MARCHF1: variants seen among roughly 807,000 people sequenced by gnomAD.
MARCHF1 encodes E3 ubiquitin-protein ligase MARCHF1.
MARCHF1 carries 40 observed loss-of-function variants against 54.2 expected under a neutral mutation model. That is an observed-to-expected ratio of 0.74 (90% CI 0.57 to 0.96). MARCHF1 has a LOEUF of 0.96. Among genes scored for constraint, MARCHF1 ranks in the 40% least tolerant of loss-of-function variants. MARCHF1 has a pLI of 0.00. For missense variants in MARCHF1, 586 were observed against 656.5 expected, an observed-to-expected ratio of 0.89 and a Z score of 1.17; for synonymous variants, 236 against 236.3, an observed-to-expected ratio of 1.00 and a Z score of 0.01.
chr4:164,222,644 G>T (rs1357960285), intron 1 of MARCHF1, among the ~76,000 whole-genome samples: 1 of 151,728 alleles, frequency 6.6e-6, no homozygotes, highest in African/African-American at 2.4e-5. Flanking sequence ...GAGGGAACCA[G>T]GAAGAGAGAG....
chr4:164,313,150 A>T (rs371990327), intron 1 of MARCHF1, among the ~76,000 whole-genome samples: 13 of 151,132 alleles, frequency 8.6e-5, no homozygotes, highest in East Asian at 2.0e-4. Context: ...CATCCTGGCT[A>T]ATTCAGTGAA....
intron 4 of MARCHF1, among the ~76,000 whole-genome samples, chr4:163,850,685 G>A (rs894297664): frequency 6.6e-6 from 1 of 152,170 alleles, no homozygotes; most frequent in Admixed American, 6.5e-5. Context: ...CCTTCTAGTT[G>A]CATAATGTTT....
At chr4:163,759,611 T>C (rs181925719) in intron 4 of MARCHF1, among the ~76,000 whole-genome samples, 9 of 152,378 alleles carry the variant, frequency 5.9e-5, no homozygotes, top group African/African-American at 2.2e-4. Flanking sequence ...CGATTTAATC[T>C]ACATTGAGCT....
At chr4:163,545,575 A>G (rs770229511) in intron 9 of MARCHF1, 21 bp downstream of exon 9, 21 of 1,606,418 alleles carry the variant, frequency 1.3e-5, no homozygotes, top group Non-Finnish European at 1.5e-5. Flanking sequence ...CAAGAGGGTA[A>G]GAAGAAAGAT....
chr4:164,081,603 G>A (rs538692852), intron 2 of MARCHF1, among the ~76,000 whole-genome samples: 1 of 152,062 alleles, frequency 6.6e-6, no homozygotes, highest in African/African-American at 2.4e-5. Context: ...ATGACACAGG[G>A]CCTTTCCTGA....
chr4:163,793,070 A>G (rs552359788), intron 4 of MARCHF1, among the ~76,000 whole-genome samples: 117 of 152,318 alleles, frequency 7.7e-4, no homozygotes, highest in Non-Finnish European at 1.3e-3. Flanking sequence ...GCAGACGTTA[A>G]ATAACTTTCA....
At chr4:163,657,039 T>C (rs1350239399) in intron 5 of MARCHF1, among the ~76,000 whole-genome samples, 1 of 152,072 alleles carries the variant, frequency 6.6e-6, no homozygotes, top group Non-Finnish European at 1.5e-5. Flanking sequence ...CAAAATAGTA[T>C]TGGAAGTTCT....
At chr4:164,115,300 T>C (rs1164090740) in intron 1 of MARCHF1, among the ~76,000 whole-genome samples, 1 of 152,088 alleles carries the variant, frequency 6.6e-6, no homozygotes, top group African/African-American at 2.4e-5. Flanking sequence ...CAGTGTTAGA[T>C]ATTTATAATT....
At chr4:163,554,778 C>A (rs907110295) in intron 8 of MARCHF1, among the ~76,000 whole-genome samples, 17 of 152,258 alleles carry the variant, frequency 1.1e-4, no homozygotes, top group Non-Finnish European at 5.9e-5. Flanking sequence ...TTCAAAGCTA[C>A]CAAATTATTT....
chr4:164,078,580 A>G (rs1480221997), intron 2 of MARCHF1, among the ~76,000 whole-genome samples: 1 of 152,178 alleles, frequency 6.6e-6, no homozygotes, highest in African/African-American at 2.4e-5. Context: ...GTGTTCAACA[A>G]AGTAAAAGAT....
At chr4:163,951,077 A>G (rs1752126064) in intron 3 of MARCHF1, among the ~76,000 whole-genome samples, 1 of 152,218 alleles carries the variant, frequency 6.6e-6, no homozygotes, top group South Asian at 2.1e-4. Flanking sequence ...ACTTATTTTG[A>G]TTTTAGACTG....
intron 1 of MARCHF1, chr4:164,330,181 A>T (rs1283872107): frequency 6.6e-6 from 1 of 152,256 alleles, no homozygotes; most frequent in African/African-American, 2.4e-5. Context: ...GGTTAAAAAA[A>T]AAAAAAAACA....
intron 3 of MARCHF1, among the ~76,000 whole-genome samples, chr4:163,953,289 G>A (rs1271347637): frequency 6.6e-6 from 1 of 152,132 alleles, no homozygotes; most frequent in Non-Finnish European, 1.5e-5. Flanking sequence ...TTCAGGATTT[G>A]GCGTCAGACT....
intron 3 of MARCHF1, among the ~76,000 whole-genome samples, chr4:163,951,699 C>A (rs1200953183): frequency 6.6e-6 from 1 of 151,948 alleles, no homozygotes; most frequent in Non-Finnish European, 1.5e-5. Context: ...AGAGGCCTTC[C>A]TAGAAAGGTC....
chr4:163,558,805 T>C (rs1468369675), intron 8 of MARCHF1, among the ~76,000 whole-genome samples: 1 of 152,218 alleles, frequency 6.6e-6, no homozygotes, highest in Non-Finnish European at 1.5e-5. Context: ...GGTGAGCAGC[T>C]TGTGGCCCCC....
At chr4:163,713,080 T>C (rs1176564025) in intron 4 of MARCHF1, among the ~76,000 whole-genome samples, 1 of 152,114 alleles carries the variant, frequency 6.6e-6, no homozygotes, top group Non-Finnish European at 1.5e-5. Context: ...TTTAGAGTAT[T>C]CCCTTATTAA....
At chr4:163,601,993 T>C (rs768819779) in intron 7 of MARCHF1, among the ~76,000 whole-genome samples, 3 of 151,180 alleles carry the variant, frequency 2.0e-5, no homozygotes, top group Non-Finnish European at 3.0e-5. Flanking sequence ...GCTCCCAAAC[T>C]GAAAACAATC....
chr4:163,886,882 T>C lies in MARCHF1; in HGVS notation c.-38-32713A>G, dbSNP rs566385825. 9.2e-5 allele frequency among the ~76,000 whole-genome samples: 14 copies of C among 152,178 alleles called. No homozygotes were observed. The South Asian group carries it at 2.7e-3, about 29-fold the overall frequency. On this transcript the variant is annotated intron_variant, in intron 3 of 9. Coordinates refer to ENST00000514618, the MANE Select transcript of MARCHF1 (RefSeq NM_001394959.1). The stretch of plus-strand genomic sequence containing the variant: ...AAAATAGAATGAAAATGTCAGATGT[T>C]CCCTAAGCTTTTGTCCTTCATCCTC...
intron 1 of MARCHF1, among the ~76,000 whole-genome samples, chr4:164,167,596 C>T (rs1329672635): frequency 6.6e-6 from 1 of 151,422 alleles, no homozygotes; most frequent in Non-Finnish European, 1.5e-5. Context: ...GCCAATAGAA[C>T]AGAATAAAAA....
Sources: gnomAD v4.1 joint callset for allele counts (sites outside exome capture counted in the v4.1 genomes callset) on GRCh38, gnomAD v4.1.1 for gene constraint, MANE v1.5 for transcripts, NCBI Gene and HGNC (gene_info 2026-07-23, HGNC 2026-07-21) for gene names.